Variants in PTPRF observed in about 807,000 individuals in gnomAD.
PTPRF encodes the protein protein tyrosine phosphatase receptor type F, also known as receptor-type tyrosine-protein phosphatase F.
PTPRF carries 59 observed loss-of-function variants against 201.8 expected under a neutral mutation model. The observed-to-expected ratio is 0.29, with a 90% CI of 0.24 to 0.36. The LOEUF is 0.36. PTPRF is among the 10% of genes least tolerant of loss of function. The pLI is 1.00. For missense variants in PTPRF, 2,132 were observed against 2,690.5 expected (o/e 0.79, Z 4.59); for synonymous variants, 1,088 against 1,089.7 (o/e 1.00, Z 0.03).
chr1:43,564,882 C>T (rs1646053794), intron 5 of PTPRF, among the ~76,000 whole-genome samples: 2 of 152,270 alleles, frequency 1.3e-5, no homozygotes, highest in Admixed American at 6.5e-5. Context: ...CAGCCCCCTC[C>T]CTCTGGCCCA....
intron 1 of PTPRF, among the ~76,000 whole-genome samples, chr1:43,532,916 C>G (rs1570861067): frequency 6.6e-6 from 1 of 152,136 alleles, no homozygotes; most frequent in Non-Finnish European, 1.5e-5. Flanking sequence ...CTTTCTTGCC[C>G]CCTCTCGCAT....
At chr1:43,605,729 T>A in intron 19 of PTPRF, 107 bp downstream of exon 19, 1 of 1,102,760 alleles carries the variant, frequency 9.1e-7, no homozygotes, top group East Asian at 2.5e-5. Flanking sequence ...CTCCCCAAAT[T>A]GAAATCTCTC....
rs956706589 is a variant in PTPRF, at chr1:43,542,532, C to T, written c.-45-2499C>T. Among the ~76,000 whole-genome samples, 1 of 152,128 alleles carries T rather than the reference C, an allele frequency of 6.6e-6. No individual in the cohort carries two copies. Among genetic ancestry groups the T allele is most frequent in the African/African-American group, 2.4e-5 (1 of 41,402 alleles). Reference sequence around the variant, plus strand: ...TACCTGAGGCCCAAGTTCTCCAACACCCATGGCCAGACTCTCATCCAGGCT... The same window carrying T: ...TACCTGAGGCCCAAGTTCTCCAACATCCATGGCCAGACTCTCATCCAGGCT... On this transcript the variant is annotated intron_variant, in intron 2 of 33. Transcript: ENST00000359947. The surrounding 1 kb of genome is among the most constrained non-coding windows in gnomAD (Gnocchi z 5.2).
At chr1:43,535,799 G>C (rs1170461276) in intron 1 of PTPRF, among the ~76,000 whole-genome samples, 4 of 152,162 alleles carry the variant, frequency 2.6e-5, no homozygotes, top group Non-Finnish European at 5.9e-5. Flanking sequence ...GTTTGAAACA[G>C]AATCTCACTC....
At chr1:43,577,582 C>T (rs1044234238) in intron 6 of PTPRF, among the ~76,000 whole-genome samples, 5 of 152,216 alleles carry the variant, frequency 3.3e-5, no homozygotes, top group African/African-American at 7.2e-5. Context: ...GGTGGTACCC[C>T]TTTGGGCCCC....
At chr1:43,585,585 C>G (rs1266806289) in intron 7 of PTPRF, among the ~76,000 whole-genome samples, 4 of 152,100 alleles carry the variant, frequency 2.6e-5, no homozygotes, top group Non-Finnish European at 4.4e-5. Context: ...CCCCCTGCAT[C>G]TAGGAGGGAA....
intron 11 of PTPRF, among the ~76,000 whole-genome samples, chr1:43,595,357 G>C (rs1651993940): frequency 1.3e-5 from 2 of 152,212 alleles, no homozygotes; most frequent in Middle Eastern, 6.8e-3. Flanking sequence ...TGGGTTTATA[G>C]GCGTGCCCGC....
chr1:43,602,263 G>A (rs184866739), intron 14 of PTPRF, among the ~76,000 whole-genome samples, 166 bp downstream of exon 14: 2 of 152,232 alleles, frequency 1.3e-5, no homozygotes, highest in Non-Finnish European at 2.9e-5. Flanking sequence ...GCTGAGCAGC[G>A]ATTGGCATTT....
upstream of PTPRF, chr1:43,528,728 G>A (rs1455700473): frequency 6.6e-6 from 1 of 152,224 alleles, no homozygotes; most frequent in Admixed American, 6.5e-5. Flanking sequence ...TGCTGAAGAT[G>A]CCACTGCCTG....
intron 7 of PTPRF, among the ~76,000 whole-genome samples, chr1:43,580,737 C>T (rs1305365404): frequency 1.3e-5 from 2 of 152,258 alleles, no homozygotes; most frequent in East Asian, 1.9e-4. Flanking sequence ...CTGACTATCG[C>T]AAATGCTGTG....
In PTPRF at chr1:43,554,027, T is replaced by C; in HGVS notation, c.379+86T>C. 1 of 1,533,998 alleles carries C rather than the reference T, an allele frequency of 6.5e-7. No homozygotes were observed. Among genetic ancestry groups the C allele is most frequent in the South Asian group, 1.2e-5 (1 of 81,160 alleles). The stretch of plus-strand genomic sequence containing the variant: ...CAGCCCTGATCCTGTCCTGGGCCCA[T>C]GTGCATTTGGCAGAAAGGAGGACTG... On this transcript the variant is annotated intron_variant, in intron 5 of 33. Transcript: ENST00000359947. This position sits in a 1 kb window ranked among gnomAD's most constrained non-coding sequence, Gnocchi z 4.1.
At position 43,604,053 on chromosome 1, in the gene PTPRF, C is replaced by T. The variant is rs1341771368; in HGVS notation, c.2901C>T (p.Ile967=). The T allele has an allele frequency of 5.0e-6, 8 of 1,614,140 alleles. No homozygotes were observed. In the South Asian group the frequency reaches 8.8e-5, roughly 18 times the overall value. The change falls in exon 16 of 34, where the codon ATC becomes ATT. Residue 967 remains isoleucine (I), a synonymous_variant. Transcript: ENST00000359947. ...ACAGCCAACAGGAGCTGCAGAACAT[C>T]ACGACAGACACCCGCTTTACCCTTA... ...DINSQQELQN[I]TTDTRFTLTG...
intron 2 of PTPRF, among the ~76,000 whole-genome samples, chr1:43,539,796 G>C (rs1644250678): frequency 6.6e-6 from 1 of 152,182 alleles, no homozygotes; most frequent in Non-Finnish European, 1.5e-5. Context: ...CTCTCGGGAG[G>C]CCACTAGCTG....
At chr1:43,576,331 T>C (rs1055492148) in intron 6 of PTPRF, among the ~76,000 whole-genome samples, 7 of 151,334 alleles carry the variant, frequency 4.6e-5, no homozygotes, top group African/African-American at 1.7e-4. Flanking sequence ...GACAGTCTCT[T>C]TTGGGGGGAC....
chr1:43,620,971 G>A lies in PTPRF; in HGVS notation c.5498G>A (p.Gly1833Glu), dbSNP rs1339202074. Reference sequence around the variant, plus strand: ...ACCAAGGAGCAGTTTGGACAGGATGGGCCTATCACGGTGCACTGCAGGTGG... The same window carrying A: ...ACCAAGGAGCAGTTTGGACAGGATGAGCCTATCACGGTGCACTGCAGGTGG... ...HKTKEQFGQD[G>E]PITVHCSAGV... is the part of the protein sequence containing the mutation. Residue 1833 changes from glycine to glutamate, a missense_variant, in exon 32 of 34, where the codon GGG becomes GAG. Physicochemically the swap from Gly to Glu is moderately conservative, Grantham distance 98. This residue lies in a region of PTPRF where 519 missense variants were observed against 659.5 expected (regional missense o/e 0.79). Transcript: ENST00000359947. The A allele has an allele frequency of 1.2e-6, 2 of 1,613,806 alleles. No individual in the cohort carries two copies. The highest frequency in any genetic ancestry group is 1.3e-5 in the African/African-American group (1 of 74,940).
At chr1:43,583,909 G>T (rs910948191) in intron 7 of PTPRF, among the ~76,000 whole-genome samples, 3 of 152,230 alleles carry the variant, frequency 2.0e-5, no homozygotes, top group Admixed American at 2.0e-4. Flanking sequence ...ACATTCCTTA[G>T]CTTGATGCTT....
At chr1:43,607,036 T>G in intron 21 of PTPRF, 68 bp downstream of exon 21, 1 of 1,574,200 alleles carries the variant, frequency 6.4e-7, no homozygotes. Flanking sequence ...TCTCCGGGTG[T>G]GGTGCCTGTG....
rs1654247486 is a variant in PTPRF at position 43,603,333 on chromosome 1, A to G, written c.2341-83A>G. ...CCTTGTGTGCCCCGGGGCTCCCCTC[A>G]GGCTAGGGTCCTGAGGTCCCTGACA... On this transcript the variant is annotated intron_variant, in intron 14 of 33. Coordinates refer to ENST00000359947, the MANE Select transcript of PTPRF (RefSeq NM_002840.5). The surrounding 1 kb of genome is among the most constrained non-coding windows in gnomAD (Gnocchi z 5.8). The G allele has an allele frequency of 1.6e-6, 2 of 1,277,790 alleles. No individual in the cohort carries two copies. The highest frequency in any genetic ancestry group is 1.2e-5 in the South Asian group (1 of 83,018). 79.2% of individuals were successfully genotyped at this position (1,277,790 alleles called of 1,614,324 possible).
In PTPRF at chr1:43,588,625, G is replaced by T; in HGVS notation, c.680-106G>T. 1 of 1,420,456 alleles carries T rather than the reference G, an allele frequency of 7.0e-7. No individual in the cohort carries two copies. Among genetic ancestry groups the T allele is most frequent in the East Asian group, 2.4e-5 (1 of 42,126 alleles). 88.0% of individuals were successfully genotyped at this position (1,420,456 alleles called of 1,614,324 possible). The stretch of plus-strand genomic sequence containing the variant: ...TGCCACCCCTCCTGTCTCTGAGCAT[G>T]GGTTTGGCTCTGACCAGAGGGGCTT... On this transcript the variant is annotated intron_variant, in intron 7 of 33. Coordinates refer to ENST00000359947, the MANE Select transcript of PTPRF (RefSeq NM_002840.5). This position sits in a 1 kb window ranked among gnomAD's most constrained non-coding sequence, Gnocchi z 5.3.
Sources: allele counts gnomAD v4.1 joint callset (sites outside exome capture counted in the v4.1 genomes callset), GRCh38; gene constraint gnomAD v4.1.1; regional missense constraint gnomAD v4.1.1; non-coding constraint Gnocchi (gnomAD v3.1); transcripts MANE v1.5; gene names NCBI Gene and HGNC (gene_info 2026-07-23, HGNC 2026-07-21).